ZP3: variants seen among roughly 807,000 people sequenced by gnomAD.
ZP3 encodes the protein zona pellucida sperm-binding protein 3.
In ZP3, 21 loss-of-function variants were observed where a neutral mutation model predicts 35.6. That is an observed-to-expected ratio of 0.59 (90% CI 0.42 to 0.85). The LOEUF is 0.85. Among genes scored for constraint, ZP3 ranks in the 40% least tolerant of loss-of-function variants. The probability of loss-of-function intolerance (pLI) is 0.00; values close to 1 mark genes in which losing one functional copy is unlikely to be tolerated. For missense variants in ZP3, 437 were observed against 536.5 expected (o/e 0.81, Z 1.83); for synonymous variants, 207 against 214.5 (o/e 0.96, Z 0.31).
chr7:76,404,517 GATCCCAAATGT>G, intron 1 of ZP3: 11 of 1,607,792 alleles, frequency 6.8e-6, no homozygotes, highest in Admixed American at 1.7e-5. Flanking sequence ...TGAAATTAAA[GATCCCAAATGT>G]TGCTGGGCCT....
chr7:76,423,043 G>C (rs895043600), upstream of ZP3, among the ~76,000 whole-genome samples: 1 of 141,144 alleles, frequency 7.1e-6, no homozygotes, highest in Non-Finnish European at 1.5e-5. Context: ...AAGAAAGAAA[G>C]AAAGAAAGAA....
At chr7:76,414,414 G>T (rs1000895507) in intron 1 of ZP3, among the ~76,000 whole-genome samples, 2 of 152,154 alleles carry the variant, frequency 1.3e-5, no homozygotes, top group Non-Finnish European at 2.9e-5. Context: ...AGCTGCAGGT[G>T]CCTAGGCGGT....
intron 4 of ZP3, 74 bp downstream of exon 4, chr7:76,433,721 GAC>G: frequency 6.8e-7 from 1 of 1,461,210 alleles, no homozygotes; most frequent in Non-Finnish European, 9.3e-7. Context: ...GGCTTTTTGA[GAC>G]AGTGTCACTC....
intron 1 of ZP3, among the ~76,000 whole-genome samples, chr7:76,427,661 G>C (rs1805707803): frequency 6.6e-6 from 1 of 152,146 alleles, no homozygotes; most frequent in South Asian, 2.1e-4. Context: ...GAGCTATGCT[G>C]GTTCTGTCTG....
At chr7:76,433,701 C>T in intron 4 of ZP3, 54 bp downstream of exon 4, 3 of 1,534,920 alleles carry the variant, frequency 2.0e-6, no homozygotes, top group Non-Finnish European at 2.6e-6. Flanking sequence ...GACCCTAAAG[C>T]CACCTGTTTG....
intron 2 of ZP3, among the ~76,000 whole-genome samples, chr7:76,430,792 A>T (rs1005368879): frequency 6.6e-6 from 1 of 152,180 alleles, no homozygotes; most frequent in Non-Finnish European, 1.5e-5. Flanking sequence ...GGACATCATG[A>T]GGGATGAGCC....
chr7:76,436,030 C>CGGGG (rs1805991993), intron 5 of ZP3, among the ~76,000 whole-genome samples: 1 of 74,248 alleles, frequency 1.3e-5, no homozygotes, highest in Non-Finnish European at 2.6e-5. Context: ...CCCCCGCCCC[C>CGGGG]TTTTTTTTTT....
chr7:76,426,706 T>C (rs908773373), intron 1 of ZP3, among the ~76,000 whole-genome samples: 1 of 152,042 alleles, frequency 6.6e-6, no homozygotes, highest in Non-Finnish European at 1.5e-5. Context: ...GGTATTTTTT[T>C]GTTGTTGTTT....
chr7:76,412,774 G>A (rs558861602), intron 1 of ZP3, among the ~76,000 whole-genome samples: 1 of 151,402 alleles, frequency 6.6e-6, no homozygotes, highest in African/African-American at 2.4e-5. Context: ...GCTTGAACCC[G>A]GGAGGCGGAA....
chr7:76,416,535 G>T (rs1306461801), intron 1 of ZP3, among the ~76,000 whole-genome samples: 1 of 150,852 alleles, frequency 6.6e-6, no homozygotes, highest in African/African-American at 2.4e-5. Context: ...TAGTCAGGCA[G>T]GTGGCTCATG....
At chr7:76,434,293 T>C (rs1209280608) in intron 5 of ZP3, 138 bp downstream of exon 5, 2 of 423,566 alleles carry the variant, frequency 4.7e-6, no homozygotes, top group East Asian at 1.0e-4. Context: ...AGTAAAGCCA[T>C]GAGCTTTAGC....
intron 1 of ZP3, among the ~76,000 whole-genome samples, chr7:76,419,907 T>G (rs1444943691): frequency 6.6e-6 from 1 of 151,678 alleles, no homozygotes; most frequent in Admixed American, 6.6e-5. Flanking sequence ...GTTCAAGCGA[T>G]TCTCCTGCCT....
chr7:76,421,244 T>C (rs1805498807), upstream of ZP3, among the ~76,000 whole-genome samples: 1 of 151,936 alleles, frequency 6.6e-6, no homozygotes, highest in Non-Finnish European at 1.5e-5. Context: ...ATTTCCACAT[T>C]TTTTTGAGAT....
At chr7:76,402,199 T>C (rs1380457667) in intron 1 of ZP3, among the ~76,000 whole-genome samples, 2 of 151,106 alleles carry the variant, frequency 1.3e-5, no homozygotes, top group Non-Finnish European at 3.0e-5. Context: ...TTTTTTTTTT[T>C]TGAGACAGAG....
chr7:76,406,105 C>T (rs1805020488), intron 1 of ZP3, among the ~76,000 whole-genome samples: 1 of 152,180 alleles, frequency 6.6e-6, no homozygotes, highest in Non-Finnish European at 1.5e-5. Flanking sequence ...CCTGCCTCAG[C>T]CTCCTGAGTA....
In ZP3 at chr7:76,425,096, G is replaced by A; in HGVS notation, c.132G>A (p.Val44=). 1 of 1,613,836 alleles carries A rather than the reference G, an allele frequency of 6.2e-7. No individual in the cohort carries two copies. The highest frequency in any genetic ancestry group is 8.5e-7 in the Non-Finnish European group (1 of 1,179,992). The change falls in exon 1 of 8, where the codon GTG becomes GTA. Residue 44 remains valine, a synonymous_variant. Transcript: ENST00000394857. ...HPETSVQPVL[V]ECQEATLMVM... is the part of the protein sequence containing the mutation. The stretch of plus-strand genomic sequence containing the variant: ...AGACGTCCGTACAGCCCGTACTGGT[G>A]GAGTGTCAGGAGGCCACTCTGATGG...
At chr7:76,417,570 C>T (rs542516325) in intron 1 of ZP3, among the ~76,000 whole-genome samples, 3 of 152,010 alleles carry the variant, frequency 2.0e-5, no homozygotes, top group South Asian at 2.1e-4. Flanking sequence ...TTTTGTCTTC[C>T]CAGGTTGACA....
chr7:76,415,750 C>G (rs1805354724), intron 1 of ZP3, among the ~76,000 whole-genome samples: 1 of 151,596 alleles, frequency 6.6e-6, no homozygotes, highest in Non-Finnish European at 1.5e-5. Context: ...CCGCCTCGGC[C>G]TCCCAAAGTG....
At chr7:76,430,377 G>A (rs1805792005) in intron 2 of ZP3, among the ~76,000 whole-genome samples, 1 of 152,182 alleles carries the variant, frequency 6.6e-6, no homozygotes, top group Admixed American at 6.5e-5. Context: ...ACTGGGTCCT[G>A]TGCTGGCCTC....
Sources: gnomAD v4.1 joint callset for allele counts (sites outside exome capture counted in the v4.1 genomes callset) on GRCh38, gnomAD v4.1.1 for gene constraint, MANE v1.5 for transcripts, NCBI Gene and HGNC (gene_info 2026-07-23, HGNC 2026-07-21) for gene names.